Variants in SCEL observed in about 807,000 individuals in gnomAD.
The protein encoded by SCEL is sciellin.
Under a neutral mutation model 117.6 loss-of-function variants are expected in SCEL, and 113 were observed. The observed-to-expected ratio is 0.96, with a 90% confidence interval of 0.83 to 1.12. The LOEUF is 1.12. SCEL is among the 50% of genes most tolerant of loss of function. The pLI, the probability that SCEL is intolerant of heterozygous loss-of-function variation, is 0.00. For missense variants in SCEL, 785 were observed against 810.8 expected (o/e 0.97, Z 0.39); for synonymous variants, 270 against 256.2 (o/e 1.05, Z -0.51).
intron 19 of SCEL, 23 bp downstream of exon 19, chr13:77,604,438 C>T: frequency 6.4e-7 from 1 of 1,553,366 alleles, no homozygotes. Flanking sequence ...AAGCTCCCCC[C>T]TCCCCTTTGT....
chr13:77,589,181 A>T lies in SCEL; in HGVS notation c.583A>T (p.Ser195Cys). 1.2e-6 allele frequency: 2 copies of T among 1,613,242 alleles called. No homozygotes were observed. The highest frequency in any genetic ancestry group is 1.7e-6 in the Non-Finnish European group (2 of 1,179,258). Residue 195 changes from serine (S) to cysteine (C), a missense_variant, in exon 10 of 33, where the codon AGT (serine) becomes TGT (cysteine). Transcript: ENST00000349847. ...GVHPPIPPKP[S>C]SPVSSPNQLR... ...TCACCCTCCAATACCTCCAAAGCCCAGTTCTCCTGTTTCTTCTCCTAACCA... is the reference window on the plus strand; with the variant it reads ...TCACCCTCCAATACCTCCAAAGCCCTGTTCTCCTGTTTCTTCTCCTAACCA...
At chr13:77,582,219 G>A (rs369539688) in intron 9 of SCEL, among the ~76,000 whole-genome samples, 71 of 152,082 alleles carry the variant, frequency 4.7e-4, no homozygotes, top group African/African-American at 1.7e-3. Context: ...ATCTTCCTTG[G>A]TGAAGTATCT....
chr13:77,544,105 G>T (rs1855737832), intron 1 of SCEL, among the ~76,000 whole-genome samples: 2 of 152,096 alleles, frequency 1.3e-5, no homozygotes, highest in South Asian at 4.1e-4. Flanking sequence ...AGGCATGTAA[G>T]GCTTAAATGA....
intron 12 of SCEL, among the ~76,000 whole-genome samples, chr13:77,595,023 T>G (rs1014070313): frequency 6.6e-6 from 1 of 152,224 alleles, no homozygotes; most frequent in East Asian, 1.9e-4. Flanking sequence ...GCAGGTAATA[T>G]TTTGTTTCCA....
At chr13:77,604,577 AC>A (rs2087983038) in intron 19 of SCEL, among the ~76,000 whole-genome samples, 162 bp downstream of exon 19, 1 of 152,208 alleles carries the variant, frequency 6.6e-6, no homozygotes, top group Admixed American at 6.5e-5. Flanking sequence ...TGCAAGTGAT[AC>A]ACCTAAATCT....
intron 3 of SCEL, among the ~76,000 whole-genome samples, chr13:77,557,210 G>T (rs2084711412): frequency 6.6e-6 from 1 of 152,106 alleles, no homozygotes. Context: ...TGGGATATAT[G>T]GTATTACTTT....
intron 9 of SCEL, among the ~76,000 whole-genome samples, chr13:77,573,476 A>G (rs1011506159): frequency 6.6e-6 from 1 of 152,198 alleles, no homozygotes; most frequent in Non-Finnish European, 1.5e-5. Context: ...ATTTTCCTCT[A>G]CTGTGCAGAC....
chr13:77,550,692 G>C (rs2084268663), intron 1 of SCEL, among the ~76,000 whole-genome samples: 1 of 152,170 alleles, frequency 6.6e-6, no homozygotes, highest in South Asian at 2.1e-4. Context: ...AGATGAATCA[G>C]TATTTTCATT....
At chr13:77,639,133 C>G (rs1038938898) in intron 30 of SCEL, among the ~76,000 whole-genome samples, 1 of 152,124 alleles carries the variant, frequency 6.6e-6, no homozygotes, top group African/African-American at 2.4e-5. Context: ...TGGCTCACCA[C>G]TCTTTGTATT....
At chr13:77,572,687 C>T (rs2085709644) in intron 9 of SCEL, among the ~76,000 whole-genome samples, 1 of 152,208 alleles carries the variant, frequency 6.6e-6, no homozygotes, top group African/African-American at 2.4e-5. Flanking sequence ...GATCTTCTCC[C>T]TGTGTGCACG....
At chr13:77,576,235 T>A (rs901334612) in intron 9 of SCEL, among the ~76,000 whole-genome samples, 1 of 152,168 alleles carries the variant, frequency 6.6e-6, no homozygotes, top group Non-Finnish European at 1.5e-5. Context: ...GTCTGTATGA[T>A]CTTGTGACCC....
In SCEL at chr13:77,644,403, C is replaced by A. The variant is rs2090700663; in HGVS notation, c.*129C>A. The A allele has an allele frequency of 3.4e-6, 3 of 881,408 alleles. No homozygotes were observed. In the East Asian group the frequency reaches 8.0e-5, roughly 24 times the overall value. 54.6% of individuals were successfully genotyped at this position (881,408 alleles called of 1,614,324 possible). A position where few individuals can be genotyped will look rare whatever the true frequency, so the allele number is the denominator to read the frequency against. On this transcript the variant is annotated 3_prime_UTR_variant, in exon 33 of 33. Transcript: ENST00000349847. Reference sequence around the variant, plus strand: ...CAACTCTTGTACAAAATTAACAATTCTGTTATTGCATAAGTAATCTAATTG... The same window carrying A: ...CAACTCTTGTACAAAATTAACAATTATGTTATTGCATAAGTAATCTAATTG...
At position 77,608,043 on chromosome 13, in the gene SCEL, C is replaced by T. The variant is rs556604700; in HGVS notation, c.1158-13C>T. The T allele has an allele frequency of 6.2e-7, 1 of 1,602,054 alleles. No homozygotes were observed. Reference sequence around the variant, plus strand: ...GTGTTGTCAATCTTAACCATTTCTTCAATGTTTTAAAGGGGCCAGAGCCTT... The same window carrying T: ...GTGTTGTCAATCTTAACCATTTCTTTAATGTTTTAAAGGGGCCAGAGCCTT... On this transcript the variant is annotated splice_polypyrimidine_tract_variant and intron_variant, in intron 19 of 32. Transcript: ENST00000349847.
rs748521055 is a variant in SCEL at position 77,604,360 on chromosome 13, A to G, written c.1102A>G (p.Lys368Glu). The G allele has an allele frequency of 1.3e-6, 2 of 1,564,546 alleles. No homozygotes were observed. Among genetic ancestry groups the G allele is most frequent in the South Asian group, 1.2e-5 (1 of 83,074 alleles). ...AATTAATTTCCTTTTTCAAAGAAAA[A>G]AAGACCTTGATGGGCTTATTAAAGT... ...PKGHENTTGKKDLDGLIKVDP... is the reference protein window; with the variant it reads ...PKGHENTTGKEDLDGLIKVDP... The change falls in exon 19 of 33, where the codon AAA (lysine) becomes GAA (glutamate). Residue 368 changes from lysine to glutamate, a missense_variant. Lys to Glu is a moderately conservative substitution (Grantham distance 56). Coordinates refer to ENST00000349847, the MANE Select transcript of SCEL (RefSeq NM_144777.3).
intron 27 of SCEL, among the ~76,000 whole-genome samples, chr13:77,624,297 G>A (rs2089605462): frequency 6.6e-6 from 1 of 151,866 alleles, no homozygotes; most frequent in Non-Finnish European, 1.5e-5. Context: ...GTAGAGACGG[G>A]GTTTCACCAT....
chr13:77,558,445 G>A (rs893906184), intron 3 of SCEL, among the ~76,000 whole-genome samples: 1 of 152,120 alleles, frequency 6.6e-6, no homozygotes, highest in Non-Finnish European at 1.5e-5. Context: ...ATGTATATTT[G>A]CTGGCATTGT....
intron 1 of SCEL, among the ~76,000 whole-genome samples, chr13:77,551,796 A>G (rs2084343137): frequency 6.7e-6 from 1 of 150,316 alleles, no homozygotes; most frequent in African/African-American, 2.4e-5. Context: ...TGCACCCATT[A>G]ACTCATCATT....
chr13:77,624,100 C>CTTT (rs566206052), intron 27 of SCEL, among the ~76,000 whole-genome samples: 15 of 120,344 alleles, frequency 1.2e-4, no homozygotes, highest in East Asian at 5.3e-4. Context: ...CTTGTCTTCA[C>CTTT]TTTTTTTTTT....
At chr13:77,604,445 T>C in intron 19 of SCEL, 30 bp downstream of exon 19, 1 of 1,529,066 alleles carries the variant, frequency 6.5e-7, no homozygotes, top group Non-Finnish European at 8.8e-7. Flanking sequence ...CCCCTCCCCT[T>C]TGTTTGGCAT....
Sources: gnomAD v4.1 joint callset for allele counts (sites outside exome capture counted in the v4.1 genomes callset) on GRCh38, gnomAD v4.1.1 for gene constraint, MANE v1.5 for transcripts, NCBI Gene and HGNC (gene_info 2026-07-23, HGNC 2026-07-21) for gene names.